Variants in EXD3 observed in about 807,000 individuals in gnomAD.
The protein encoded by EXD3 is exonuclease mut-7 homolog.
EXD3 carries 92 observed loss-of-function variants against 98.0 expected under a neutral mutation model. That is an observed-to-expected ratio of 0.94 (90% CI 0.79 to 1.12). EXD3 has a LOEUF of 1.12. EXD3 is among the 50% of genes most tolerant of loss of function. The pLI is 0.00. For missense variants in EXD3, 1,222 were observed against 1,191.6 expected (o/e 1.03, Z -0.38); for synonymous variants, 569 against 526.0 (o/e 1.08, Z -1.12).
At chr9:137,355,477 AAGGAGG>A (rs1834610960) in intron 8 of EXD3, among the ~76,000 whole-genome samples, 1 of 126,376 alleles carries the variant, frequency 7.9e-6, no homozygotes, top group Non-Finnish European at 1.6e-5. Flanking sequence ...AGGAAGGAGG[AAGGAGG>A]AAGGAGGATG....
chr9:137,316,976 C>T (rs528956533), intron 19 of EXD3, among the ~76,000 whole-genome samples: 8 of 152,268 alleles, frequency 5.3e-5, no homozygotes, highest in Non-Finnish European at 7.4e-5. Context: ...ACCTCTTCTC[C>T]TCTCCCCACT....
Position 137,354,736 on chromosome 9 carries a change from C to T in EXD3, c.795G>A (p.Ala265=), listed in dbSNP as rs753271038. The T allele has an allele frequency of 1.7e-4, 280 of 1,610,780 alleles. No homozygotes were observed. Among genetic ancestry groups the T allele is most frequent in the Non-Finnish European group, 2.2e-4 (262 of 1,179,680 alleles). ...CPNAAIQQRL[A]ALRHLCHKRF... is the part of the protein sequence containing the mutation. ...GCTTGTGGCACAGGTGCCGCAGGGC[C>T]GCCAGGCGCTGCTGAATGGCCGCGT... is the stretch of plus-strand genomic sequence containing the variant. The change falls in exon 9 of 22, where the codon GCG becomes GCA. Residue 265 remains alanine (A), a synonymous_variant. Transcript: ENST00000340951.
At chr9:137,365,986 A>G (rs923841384) in intron 7 of EXD3, 2 of 563,712 alleles carry the variant, frequency 3.5e-6, no homozygotes, top group African/African-American at 3.7e-5. Flanking sequence ...AGACACACAC[A>G]TGCACACCTG....
intron 1 of EXD3, among the ~76,000 whole-genome samples, chr9:137,416,025 A>G (rs1262260690): frequency 6.6e-6 from 1 of 152,156 alleles, no homozygotes; most frequent in Admixed American, 6.5e-5. Flanking sequence ...CCTGGTTTGT[A>G]TTCATGAACA....
intron 19 of EXD3, 138 bp from the exon 20 acceptor site, chr9:137,309,838 C>T: frequency 1.5e-6 from 1 of 662,598 alleles, no homozygotes; most frequent in Admixed American, 2.3e-5. Flanking sequence ...CCTCCTGTCC[C>T]CACGCATAGT....
chr9:137,351,598 T>G (rs11534416), intron 12 of EXD3, 70 bp from the exon 13 acceptor site: 1,342,827 of 1,420,114 alleles, frequency 0.95, 635,236 homozygotes, highest in East Asian at 1. Context: ...AGCCTGGAGG[T>G]CCTGAGCAGC....
At chr9:137,378,880 T>G (rs1588386974) in intron 3 of EXD3, among the ~76,000 whole-genome samples, 1 of 145,218 alleles carries the variant, frequency 6.9e-6, no homozygotes, top group African/African-American at 2.6e-5. Context: ...ACAGGGTTTG[T>G]GGGTGACGGT....
chr9:137,327,717 A>G (rs914838803), intron 17 of EXD3, among the ~76,000 whole-genome samples: 1 of 150,864 alleles, frequency 6.6e-6, no homozygotes. Context: ...ATGAGTAAAA[A>G]CAACAAATAT....
chr9:137,406,102 G>GCT (rs1837698563), intron 1 of EXD3, among the ~76,000 whole-genome samples: 1 of 152,056 alleles, frequency 6.6e-6, no homozygotes, highest in South Asian at 2.1e-4. Flanking sequence ...TGTAGTCCCA[G>GCT]CTACTCAGGA....
chr9:137,354,520 G>T, intron 9 of EXD3, 143 bp from the exon 10 acceptor site: 1 of 1,539,630 alleles, frequency 6.5e-7, no homozygotes, highest in Non-Finnish European at 8.7e-7. Flanking sequence ...ACAGCCCAGA[G>T]CCAGGGCCCC....
At chr9:137,394,145 A>C (rs1394772477) in intron 2 of EXD3, among the ~76,000 whole-genome samples, 11 of 119,582 alleles carry the variant, frequency 9.2e-5, no homozygotes, top group South Asian at 2.8e-4. Context: ...CCCAGCCTCC[A>C]TTTCCCTAAC....
chr9:137,398,971 C>G lies in EXD3; in HGVS notation c.-47-3567G>C, dbSNP rs1837358552. On this transcript the variant is annotated intron_variant, in intron 1 of 21. Coordinates refer to ENST00000340951, the MANE Select transcript of EXD3 (RefSeq NM_017820.5). ...CCCCAAGACACATCCCCAAGACACA[C>G]AGGCAACCATGTCCCCGTGACACGC... 2.0e-5 allele frequency among the ~76,000 whole-genome samples: 3 copies of G among 152,360 alleles called. No individual in the cohort carries two copies. The South Asian group carries it at 6.2e-4, about 32-fold the overall frequency.
At chr9:137,416,761 C>G (rs901346227) in intron 1 of EXD3, among the ~76,000 whole-genome samples, 4 of 152,052 alleles carry the variant, frequency 2.6e-5, no homozygotes, top group Non-Finnish European at 5.9e-5. Context: ...GGATCAACAC[C>G]AAGGGTCGGT....
intron 9 of EXD3, 57 bp from the exon 10 acceptor site, chr9:137,354,434 G>A (rs368242141): frequency 1.2e-6 from 2 of 1,609,470 alleles, no homozygotes; most frequent in South Asian, 2.2e-5. Context: ...CTGTATCGGG[G>A]CCTGGTGGGA....
At chr9:137,412,865 T>C (rs891382245) in intron 1 of EXD3, among the ~76,000 whole-genome samples, 2 of 151,254 alleles carry the variant, frequency 1.3e-5, no homozygotes, top group African/African-American at 4.9e-5. Flanking sequence ...GCAGCCTCAA[T>C]CTCCAGGGCT....
chr9:137,328,657 C>CA (rs1588263342), intron 17 of EXD3, among the ~76,000 whole-genome samples: 1 of 75,950 alleles, frequency 1.3e-5, no homozygotes. Context: ...CGGGACTACA[C>CA]GGGACTACAC....
At chr9:137,418,004 C>T (rs893136107) in intron 1 of EXD3, among the ~76,000 whole-genome samples, 1 of 152,120 alleles carries the variant, frequency 6.6e-6, no homozygotes, top group East Asian at 1.9e-4. Context: ...CGAGGACCCC[C>T]GGGGCTGGCA....
intron 17 of EXD3, among the ~76,000 whole-genome samples, chr9:137,326,230 G>A (rs531329692): frequency 2.0e-5 from 3 of 152,304 alleles, no homozygotes; most frequent in Middle Eastern, 3.4e-3. Context: ...AAATGTACAC[G>A]TAGGACACTC....
chr9:137,410,639 C>T (rs7029134), intron 1 of EXD3, among the ~76,000 whole-genome samples: 4 of 149,698 alleles, frequency 2.7e-5, no homozygotes, highest in Non-Finnish European at 6.0e-5. Flanking sequence ...CCTGGCCCCA[C>T]GATCCACACC....
Sources: allele counts gnomAD v4.1 joint callset (sites outside exome capture counted in the v4.1 genomes callset), GRCh38; gene constraint gnomAD v4.1.1; transcripts MANE v1.5; gene names NCBI Gene and HGNC (gene_info 2026-07-23, HGNC 2026-07-21).